Variants in TPP2 observed in about 807,000 individuals in gnomAD.
The protein encoded by TPP2 is tripeptidyl peptidase 2, also known as tripeptidyl-peptidase 2.
A neutral mutation model predicts 155.9 loss-of-function variants in TPP2; 34 were observed. The observed-to-expected ratio is 0.22, with a 90% CI of 0.17 to 0.29. TPP2 has a LOEUF of 0.29. TPP2 is among the 10% of genes least tolerant of loss of function. The pLI, the probability that TPP2 is intolerant of heterozygous loss-of-function variation, is 1.00. For missense variants in TPP2, 1,028 were observed against 1,522.3 expected (o/e 0.68, Z 5.40); for synonymous variants, 510 against 529.4 (o/e 0.96, Z 0.50).
intron 1 of TPP2, among the ~76,000 whole-genome samples, chr13:102,603,458 T>C (rs1175545245): frequency 6.6e-6 from 1 of 152,146 alleles, no homozygotes; most frequent in East Asian, 1.9e-4. Context: ...GGGACTTTAA[T>C]AGAAAACTGA....
At chr13:102,633,293 G>A (rs2139496722) in intron 10 of TPP2, among the ~76,000 whole-genome samples, 1 of 152,292 alleles carries the variant, frequency 6.6e-6, no homozygotes, top group African/African-American at 2.4e-5. Flanking sequence ...GTCCAGTATG[G>A]CAGCAGTCAG....
intron 16 of TPP2, 52 bp from the exon 17 acceptor site, chr13:102,643,170 C>G: frequency 6.7e-7 from 1 of 1,493,668 alleles, no homozygotes; most frequent in South Asian, 1.4e-5. Context: ...CACTTTATGT[C>G]AATTTTAGGT....
In TPP2 at chr13:102,636,342, C is replaced by T. The variant is rs1566344607; in HGVS notation, c.1628C>T (p.Ala543Val). The T allele has an allele frequency of 6.2e-7, 1 of 1,613,636 alleles. No individual in the cohort carries two copies. The highest frequency in any genetic ancestry group is 8.5e-7 in the Non-Finnish European group (1 of 1,179,846). Residue 543 changes from alanine to valine, a missense_variant, in exon 13 of 30, where the codon GCA becomes GTA. Transcript: ENST00000376052. ...IYLRDPVQVA[A>V]PSDHGVGIEP... ...CTCCGAGATCCTGTTCAGGTGGCTG[C>T]ACCTTCAGATCATGGCGTTGGCATT...
In TPP2 at chr13:102,662,066, G is replaced by T. The variant is rs681225; in HGVS notation, c.3144-1582G>T. 1.3e-4 allele frequency among the ~76,000 whole-genome samples: 20 copies of T among 152,066 alleles called. No homozygotes were observed. The East Asian group carries it at 3.7e-3, about 28-fold the overall frequency. On this transcript the variant is annotated intron_variant, in intron 25 of 29. Transcript: ENST00000376052. The stretch of plus-strand genomic sequence containing the variant: ...AACAAAATGTGGTGTATCCATACAG[G>T]GGATTCCTTTTCAGCCATGAATGGG...
intron 3 of TPP2, among the ~76,000 whole-genome samples, chr13:102,615,344 T>C (rs1433344048): frequency 1.3e-5 from 2 of 152,132 alleles, no homozygotes; most frequent in African/African-American, 4.8e-5. Context: ...GGGATGGGGT[T>C]TCACCATGTT....
intron 23 of TPP2, among the ~76,000 whole-genome samples, chr13:102,650,098 A>G (rs1396727454): frequency 1.3e-5 from 2 of 152,058 alleles, no homozygotes; most frequent in African/African-American, 4.8e-5. Flanking sequence ...TTAGACATAT[A>G]TGTTACAGTT....
intron 27 of TPP2, among the ~76,000 whole-genome samples, chr13:102,673,140 T>C (rs935526559): frequency 2.6e-5 from 4 of 152,182 alleles, no homozygotes; most frequent in African/African-American, 9.7e-5. Context: ...CTATGGTACT[T>C]AGCGTTCATG....
chr13:102,597,380 C>T (rs558281574), intron 1 of TPP2, among the ~76,000 whole-genome samples, 177 bp downstream of exon 1: 271 of 152,276 alleles, frequency 1.8e-3, no homozygotes, highest in Non-Finnish European at 1.9e-3. Flanking sequence ...CGGGCGCCCG[C>T]CAAGGGGACT....
At chr13:102,604,445 T>G (rs1019396419) in intron 1 of TPP2, among the ~76,000 whole-genome samples, 4 of 152,234 alleles carry the variant, frequency 2.6e-5, no homozygotes, top group African/African-American at 9.6e-5. Context: ...GTTCTTTATT[T>G]TACTTTGTTA....
intron 16 of TPP2, among the ~76,000 whole-genome samples, chr13:102,641,567 G>A (rs1173591858): frequency 6.6e-6 from 1 of 152,046 alleles, no homozygotes; most frequent in Non-Finnish European, 1.5e-5. Context: ...TGTATGACTT[G>A]GTTTGGGAAT....
chr13:102,600,118 GC>G (rs1324766871), intron 1 of TPP2, among the ~76,000 whole-genome samples: 1 of 151,336 alleles, frequency 6.6e-6, no homozygotes, highest in Non-Finnish European at 1.5e-5. Flanking sequence ...TCCAACTCTG[GC>G]CTCCTTATGT....
At chr13:102,597,455 C>T (rs1050437046) in intron 1 of TPP2, among the ~76,000 whole-genome samples, 1 of 152,120 alleles carries the variant, frequency 6.6e-6, no homozygotes, top group African/African-American at 2.4e-5. Flanking sequence ...GGGCCGTGGT[C>T]CCCCCAGCTC....
At chr13:102,665,046 A>AGT in intron 27 of TPP2, 121 bp downstream of exon 27, 1 of 1,233,382 alleles carries the variant, frequency 8.1e-7, no homozygotes, top group Non-Finnish European at 1.1e-6. Context: ...TTATAATGGG[A>AGT]ATTATCACTA....
At chr13:102,628,836 A>G (rs1228102908) in intron 8 of TPP2, among the ~76,000 whole-genome samples, 2 of 151,948 alleles carry the variant, frequency 1.3e-5, no homozygotes, top group Non-Finnish European at 2.9e-5. Flanking sequence ...TCTCTACTTT[A>G]ACTTTCATCC....
intron 27 of TPP2, among the ~76,000 whole-genome samples, chr13:102,667,563 C>T (rs997602066): frequency 5.9e-5 from 9 of 152,138 alleles, no homozygotes; most frequent in African/African-American, 2.2e-4. Context: ...CTGACTTTCA[C>T]CTGAGTGGAA....
intron 27 of TPP2, among the ~76,000 whole-genome samples, chr13:102,671,077 A>C (rs1009858747): frequency 2.6e-5 from 4 of 152,228 alleles, no homozygotes; most frequent in African/African-American, 9.6e-5. Context: ...AGTACTTTCC[A>C]ATGAAATTGG....
chr13:102,630,759 T>G (rs758316589), intron 10 of TPP2, among the ~76,000 whole-genome samples: 21 of 152,218 alleles, frequency 1.4e-4, no homozygotes, highest in Admixed American at 2.6e-4. Context: ...AGAGGTATAT[T>G]AAGTCCTAAT....
At chr13:102,641,085 C>G (rs1362116525) in intron 16 of TPP2, among the ~76,000 whole-genome samples, 1 of 152,192 alleles carries the variant, frequency 6.6e-6, no homozygotes, top group Non-Finnish European at 1.5e-5. Context: ...ACTTCAGTGT[C>G]TCTGAAATTT....
chr13:102,665,935 A>T (rs1255167078), intron 27 of TPP2, among the ~76,000 whole-genome samples: 4 of 152,136 alleles, frequency 2.6e-5, no homozygotes, highest in African/African-American at 7.2e-5. Context: ...TTCAAGTGGG[A>T]TAGAATATAT....
Sources: gnomAD v4.1 joint callset for allele counts (sites outside exome capture counted in the v4.1 genomes callset) on GRCh38, gnomAD v4.1.1 for gene constraint, MANE v1.5 for transcripts, NCBI Gene and HGNC (gene_info 2026-07-23, HGNC 2026-07-21) for gene names.